DPYSL2: variants seen among roughly 807,000 people sequenced by gnomAD.
The protein encoded by DPYSL2 is dihydropyrimidinase like 2, also known as dihydropyrimidinase-related protein 2.
In DPYSL2, 13 loss-of-function variants were observed where a neutral mutation model predicts 69.9. That is an observed-to-expected ratio of 0.19 (90% confidence interval 0.12 to 0.30). The LOEUF is 0.30. DPYSL2 is among the 10% of genes least tolerant of loss of function. The probability of loss-of-function intolerance (pLI) is 1.00; values close to 1 mark genes in which losing one functional copy is unlikely to be tolerated. For synonymous variants in DPYSL2, 326 were observed against 359.1 expected, an observed-to-expected ratio of 0.91 and a Z score of 1.04; for missense variants, 587 against 918.9, an observed-to-expected ratio of 0.64 and a Z score of 4.67.
Position 26,643,134 on chromosome 8 carries a change from T to G in DPYSL2, c.1127-305T>G. ...CCTGGACACCATCCGAGCAGGAGATTAATGGAATTGAAAATCAGCAACGTA... is the reference window on the plus strand; with the variant it reads ...CCTGGACACCATCCGAGCAGGAGATGAATGGAATTGAAAATCAGCAACGTA... On this transcript the variant is annotated intron_variant, in intron 8 of 13. Transcript: ENST00000521913. This position sits in a 1 kb window ranked among gnomAD's most constrained non-coding sequence, Gnocchi z 6.5. 1 of 300,404 alleles carries G rather than the reference T, an allele frequency of 3.3e-6. No homozygotes were observed. Among genetic ancestry groups the G allele is most frequent in the Non-Finnish European group, 6.1e-6 (1 of 163,792 alleles). 18.6% of individuals were successfully genotyped at this position (300,404 alleles called of 1,614,324 possible). A position where few individuals can be genotyped will look rare whatever the true frequency, so the allele number is the denominator to read the frequency against.
chr8:26,521,700 A>G (rs149868697), intron 1 of DPYSL2, among the ~76,000 whole-genome samples: 37 of 152,156 alleles, frequency 2.4e-4, no homozygotes, highest in African/African-American at 8.9e-4. Flanking sequence ...AGCAATCACT[A>G]ATCTGCATTC....
rs1801657566 is a variant in DPYSL2, at chr8:26,588,689, C to T, written c.628+4706C>T. Among the ~76,000 whole-genome samples the T allele has an allele frequency of 6.6e-6, 1 of 152,104 alleles. No homozygotes were observed. The highest frequency in any genetic ancestry group is 2.4e-5 in the African/African-American group (1 of 41,412). ...GGAAGGGGCCCTCCCTCCTGAGTAC[C>T]AGCCTTGTCACTTCTCCCCTGGCTG... On this transcript the variant is annotated intron_variant, in intron 3 of 13. Coordinates refer to ENST00000521913, the MANE Select transcript of DPYSL2 (RefSeq NM_001197293.3). The surrounding 1 kb of genome is among the most constrained non-coding windows in gnomAD (Gnocchi z 5.4).
chr8:26,550,925 A>T (rs184191490), intron 1 of DPYSL2, among the ~76,000 whole-genome samples: 2 of 152,300 alleles, frequency 1.3e-5, no homozygotes, highest in Admixed American at 1.3e-4. Context: ...GGGCAGGAGA[A>T]AATGGATATC....
Position 26,518,321 on chromosome 8 carries a change from G to T in DPYSL2, c.354+3642G>T, listed in dbSNP as rs1485255466. ...TTCCAAAAAACCTAAGACCCACCCG[G>T]GTTCAAAAGGAGGAAAGTGGGGGTG... On this transcript the variant is annotated intron_variant, in intron 1 of 13. Coordinates refer to ENST00000521913, the MANE Select transcript of DPYSL2 (RefSeq NM_001197293.3). Among the ~76,000 whole-genome samples the T allele has an allele frequency of 5.3e-5, 8 of 152,276 alleles. No homozygotes were observed. The East Asian group carries it at 1.5e-3, about 29-fold the overall frequency.
intron 2 of DPYSL2, among the ~76,000 whole-genome samples, chr8:26,583,527 G>T (rs1801533860): frequency 6.6e-6 from 1 of 152,146 alleles, no homozygotes; most frequent in Admixed American, 6.5e-5. Context: ...TTGGGGCCTT[G>T]TTATCATTTG....
chr8:26,526,577 G>A (rs1033084608), intron 1 of DPYSL2, among the ~76,000 whole-genome samples: 4 of 152,104 alleles, frequency 2.6e-5, no homozygotes, highest in Admixed American at 1.3e-4. Flanking sequence ...ATAACTTCTA[G>A]AACCATGGTG....
chr8:26,535,272 A>G (rs768918562), intron 1 of DPYSL2, among the ~76,000 whole-genome samples: 28 of 152,174 alleles, frequency 1.8e-4, no homozygotes, highest in South Asian at 2.1e-4. Flanking sequence ...CCCCACCCTC[A>G]TGACCTGATC....
intron 3 of DPYSL2, among the ~76,000 whole-genome samples, chr8:26,604,694 C>T (rs190988411): frequency 9.9e-5 from 15 of 151,822 alleles, no homozygotes; most frequent in African/African-American, 1.5e-4. Flanking sequence ...TGCTCTGTCA[C>T]GTAGGCTGGA....
chr8:26,539,636 T>G (rs145919548), intron 1 of DPYSL2, among the ~76,000 whole-genome samples: 1 of 152,152 alleles, frequency 6.6e-6, no homozygotes, highest in Non-Finnish European at 1.5e-5. Flanking sequence ...GCCTCCTGGG[T>G]TCAAGTGATT....
chr8:26,637,839 A>G (rs1348849276), intron 8 of DPYSL2: 2 of 152,248 alleles, frequency 1.3e-5, no homozygotes, highest in African/African-American at 4.8e-5. Flanking sequence ...CAGGGTGATG[A>G]TGATGTGTAC....
intron 1 of DPYSL2, among the ~76,000 whole-genome samples, chr8:26,581,307 T>C (rs566348547): frequency 6.8e-6 from 1 of 147,280 alleles, no homozygotes; most frequent in Non-Finnish European, 1.5e-5. Flanking sequence ...ATGTAGGTGG[T>C]TTTTTTTGTT....
rs1802560207 is a variant in DPYSL2, at chr8:26,624,046, C to A, written c.629-97C>A. On this transcript the variant is annotated intron_variant, in intron 3 of 13. Coordinates refer to ENST00000521913, the MANE Select transcript of DPYSL2 (RefSeq NM_001197293.3). The surrounding 1 kb of genome is among the most constrained non-coding windows in gnomAD (Gnocchi z 4.7). The stretch of plus-strand genomic sequence containing the variant: ...AGAGATCACCATCTCGATTTTGAAC[C>A]CAAGAAGCCTTATTCAGGGTTCAAG... 7.5e-7 allele frequency: 1 copy of A among 1,341,770 alleles called. No individual in the cohort carries two copies. Among genetic ancestry groups the A allele is most frequent in the African/African-American group, 1.5e-5 (1 of 68,786 alleles). 83.1% of individuals were successfully genotyped at this position (1,341,770 alleles called of 1,614,324 possible).
rs779915845 is a variant in DPYSL2, at chr8:26,564,707, G to A, written c.355-17262G>A. On this transcript the variant is annotated intron_variant, in intron 1 of 13. Transcript: ENST00000521913. The surrounding 1 kb of genome is among the most constrained non-coding windows in gnomAD (Gnocchi z 4.8). Reference sequence around the variant, plus strand: ...GGGTGGCCAGATCAAGGACCAGTGGGAAGTCTTCAGGGGAAGCTCTTCTGG... The same window carrying A: ...GGGTGGCCAGATCAAGGACCAGTGGAAAGTCTTCAGGGGAAGCTCTTCTGG... 2.0e-5 allele frequency among the ~76,000 whole-genome samples: 3 copies of A among 152,164 alleles called. No individual in the cohort carries two copies. Among genetic ancestry groups the A allele is most frequent in the Non-Finnish European group, 4.4e-5 (3 of 68,026 alleles).
At chr8:26,541,890 A>C (rs1222096018) in intron 1 of DPYSL2, among the ~76,000 whole-genome samples, 1 of 152,256 alleles carries the variant, frequency 6.6e-6, no homozygotes, top group Non-Finnish European at 1.5e-5. Flanking sequence ...AAAACAATGC[A>C]AGACAAATAG....
intron 3 of DPYSL2, among the ~76,000 whole-genome samples, chr8:26,613,562 G>C (rs535505846): frequency 6.6e-6 from 1 of 152,314 alleles, no homozygotes; most frequent in East Asian, 1.9e-4. Context: ...GACTAAAGAG[G>C]GTCCTGCTCC....
chr8:26,627,964 C>T lies in DPYSL2; in HGVS notation c.1005+24C>T, dbSNP rs376188328. On this transcript the variant is annotated intron_variant, in intron 7 of 13. Coordinates refer to ENST00000521913, the MANE Select transcript of DPYSL2 (RefSeq NM_001197293.3). This position sits in a 1 kb window ranked among gnomAD's most constrained non-coding sequence, Gnocchi z 6.9. ...AGGTGAATGTTCACCAAGCGGAATG[C>T]GTGAATCAGTGTCCCTTGGGCACTG... 32 of 1,609,808 alleles carry T rather than the reference C, an allele frequency of 2.0e-5. No individual in the cohort carries two copies. The highest frequency in any genetic ancestry group is 1.1e-4 in the African/African-American group (8 of 74,958).
intron 1 of DPYSL2, among the ~76,000 whole-genome samples, chr8:26,542,012 T>C (rs1322037702): frequency 6.6e-6 from 1 of 151,614 alleles, no homozygotes; most frequent in African/African-American, 2.4e-5. Flanking sequence ...GGCTAATGCC[T>C]GTAATCCCAA....
intron 1 of DPYSL2, among the ~76,000 whole-genome samples, chr8:26,519,099 G>C (rs1808343309): frequency 6.6e-6 from 1 of 152,192 alleles, no homozygotes; most frequent in African/African-American, 2.4e-5. Context: ...GCAATGTTAT[G>C]TGGTTCACAA....
rs932128317 is a variant in DPYSL2, at chr8:26,613,275, C to A, written c.629-10868C>A. On this transcript the variant is annotated intron_variant, in intron 3 of 13. Transcript: ENST00000521913. ...GGGCCTTCTCTCTGCCTGCTCCCTGCCTCTCCTTCCCTACCCACAGTCTCC... is the reference window on the plus strand; with the variant it reads ...GGGCCTTCTCTCTGCCTGCTCCCTGACTCTCCTTCCCTACCCACAGTCTCC... Among the ~76,000 whole-genome samples the A allele has an allele frequency of 2.0e-5, 3 of 152,228 alleles. No individual in the cohort carries two copies. The East Asian group carries it at 5.8e-4, about 29-fold the overall frequency.
Sources: allele counts gnomAD v4.1 joint callset (sites outside exome capture counted in the v4.1 genomes callset), GRCh38; gene constraint gnomAD v4.1.1; non-coding constraint Gnocchi (gnomAD v3.1); transcripts MANE v1.5; gene names NCBI Gene and HGNC (gene_info 2026-07-23, HGNC 2026-07-21).